The following DGKH variants were observed in gnomAD, a reference collection of about 807,000 sequenced individuals.
The protein encoded by DGKH is diacylglycerol kinase eta.
Under a neutral mutation model 159.3 loss-of-function variants are expected in DGKH, and 90 were observed. That is an observed-to-expected ratio of 0.57 (90% CI 0.48 to 0.67). The LOEUF is 0.67. Among genes scored for constraint, DGKH ranks in the 30% least tolerant of loss-of-function variants. The pLI, the probability that DGKH is intolerant of heterozygous loss-of-function variation, is 0.00. For synonymous variants in DGKH, 536 were observed against 553.8 expected (o/e 0.97, Z 0.45); for missense variants, 1,181 against 1,506.1 (o/e 0.78, Z 3.57).
At chr13:42,145,462 G>A (rs1278220530) in intron 3 of DGKH, among the ~76,000 whole-genome samples, 2 of 152,224 alleles carry the variant, frequency 1.3e-5, no homozygotes, top group African/African-American at 4.8e-5. Context: ...TTGGCCAGCT[G>A]TCAGGATGCT....
At chr13:42,139,306 G>A (rs1955480129) in intron 3 of DGKH, among the ~76,000 whole-genome samples, 2 of 152,178 alleles carry the variant, frequency 1.3e-5, no homozygotes, top group African/African-American at 2.4e-5. Context: ...GCATGTCCTC[G>A]GTTCTTCTGC....
chr13:42,093,560 A>G (rs1352533302), intron 1 of DGKH, among the ~76,000 whole-genome samples: 1 of 152,222 alleles, frequency 6.6e-6, no homozygotes, highest in Non-Finnish European at 1.5e-5. Flanking sequence ...TTATACATCT[A>G]TGTTCATAGC....
intron 13 of DGKH, among the ~76,000 whole-genome samples, chr13:42,185,568 C>T (rs560407533): frequency 3.8e-4 from 58 of 152,184 alleles, no homozygotes; most frequent in African/African-American, 1.3e-3. Flanking sequence ...AAAATTATGA[C>T]AAGATGATGT....
chr13:42,244,330 C>T (rs238342), downstream of DGKH, among the ~76,000 whole-genome samples: 58,059 of 152,086 alleles, frequency 0.38, 11,570 homozygotes, highest in East Asian at 0.64. Context: ...GGCGCTCTCC[C>T]GATGGTGGTT....
At chr13:42,167,773 A>G (rs1400232495) in intron 9 of DGKH, among the ~76,000 whole-genome samples, 1 of 151,998 alleles carries the variant, frequency 6.6e-6, no homozygotes, top group African/African-American at 2.4e-5. Flanking sequence ...CCATTATCTT[A>G]TAGTCTTGAT....
chr13:42,197,027 G>A (rs542635559), intron 17 of DGKH, among the ~76,000 whole-genome samples: 57 of 152,226 alleles, frequency 3.7e-4, no homozygotes, highest in African/African-American at 1.3e-3. Flanking sequence ...GCTGAGGCAG[G>A]CGGATCACCT....
At chr13:42,071,207 T>C (rs1484081574) in intron 1 of DGKH, 3 of 451,230 alleles carry the variant, frequency 6.6e-6, no homozygotes, top group South Asian at 3.0e-5. Context: ...AAAATAATTA[T>C]GCTTCCACAG....
intron 1 of DGKH, among the ~76,000 whole-genome samples, chr13:42,041,617 A>T (rs1351606868): frequency 6.6e-6 from 1 of 151,730 alleles, no homozygotes; most frequent in East Asian, 1.9e-4. Flanking sequence ...GTTCCCTCAA[A>T]CTCCCTCAAC....
At position 42,048,942 on chromosome 13, in the gene DGKH, A is replaced by C. The variant is rs781070584; in HGVS notation, c.169A>C (p.Thr57Pro). ...CCAGAAACTGATCCGCAAAGTGTCT[A>C]CCTCGGGGCAGATCCGGACCAAGGT... ...GPQKLIRKVSTSGQIRTKTSI... is the reference protein window; with the variant it reads ...GPQKLIRKVSPSGQIRTKTSI... Residue 57 changes from threonine to proline, a missense_variant, in exon 1 of 30, where the codon ACC becomes CCC. Physicochemically the swap from Thr to Pro is conservative, Grantham distance 38. Transcript: ENST00000337343. This position sits in a 1 kb window ranked among gnomAD's most constrained non-coding sequence, Gnocchi z 6.7. The C allele has an allele frequency of 1.5e-6, 2 of 1,312,776 alleles. No homozygotes were observed. The highest frequency in any genetic ancestry group is 2.8e-5 in the East Asian group (1 of 35,210). 81.3% of individuals were successfully genotyped at this position (1,312,776 alleles called of 1,614,324 possible).
intron 24 of DGKH, among the ~76,000 whole-genome samples, 169 bp from the exon 25 acceptor site, chr13:42,214,338 A>G (rs1465838664): frequency 2.6e-5 from 4 of 152,014 alleles, no homozygotes; most frequent in Admixed American, 2.6e-4. Context: ...TGGGGTCTGG[A>G]TTTATAGATC....
At chr13:42,087,076 CA>C (rs1954320085) in intron 1 of DGKH, among the ~76,000 whole-genome samples, 1 of 150,524 alleles carries the variant, frequency 6.6e-6, no homozygotes, top group Non-Finnish European at 1.5e-5. Flanking sequence ...CACACACACA[CA>C]CACACACCTC....
At chr13:42,041,056 G>T (rs1260639538) in intron 1 of DGKH, among the ~76,000 whole-genome samples, 1 of 151,912 alleles carries the variant, frequency 6.6e-6, no homozygotes, top group African/African-American at 2.4e-5. Flanking sequence ...TTCCCAGCCG[G>T]GTTAGCGCTT....
intron 1 of DGKH, among the ~76,000 whole-genome samples, chr13:42,076,347 T>G (rs1375866321): frequency 6.6e-6 from 1 of 152,348 alleles, no homozygotes; most frequent in South Asian, 2.1e-4. Context: ...TATATTTGTA[T>G]GTGCAGCTGA....
At chr13:42,122,787 A>G (rs1406527940) in intron 1 of DGKH, among the ~76,000 whole-genome samples, 13 of 152,230 alleles carry the variant, frequency 8.5e-5, no homozygotes, top group Admixed American at 8.5e-4. Flanking sequence ...ATGTGTGCAC[A>G]TATTTTGAAA....
chr13:42,210,300 TA>T (rs956340655), intron 23 of DGKH, among the ~76,000 whole-genome samples: 2 of 150,260 alleles, frequency 1.3e-5, no homozygotes, highest in African/African-American at 4.9e-5. Flanking sequence ...CCCAGCTAAT[TA>T]AAAAAAAAAT....
chr13:42,097,765 G>T (rs988969733), intron 1 of DGKH, among the ~76,000 whole-genome samples: 4 of 152,176 alleles, frequency 2.6e-5, no homozygotes, highest in Non-Finnish European at 5.9e-5. Context: ...GCTTTCCAGA[G>T]GTGAAGAAAT....
intron 1 of DGKH, chr13:42,070,213 A>G: frequency 9.5e-7 from 1 of 1,051,492 alleles, no homozygotes; most frequent in Non-Finnish European, 1.5e-6. Context: ...AATTTGTTCC[A>G]GGAAATTCAG....
rs1165426716 is a variant in DGKH, at chr13:42,151,477, T to TGG, written c.385-3813_385-3812dup. Among the ~76,000 whole-genome samples the TGG allele has an allele frequency of 1.4e-3, 90 of 65,416 alleles. 1 individual carries two copies. The highest frequency in any genetic ancestry group is 3.8e-3 in the African/African-American group (72 of 19,112). The allele number at this position is 65,416 out of a possible 152,430, so 42.9% of individuals were successfully genotyped here. A position where few individuals can be genotyped will look rare whatever the true frequency, so the allele number is the denominator to read the frequency against. On this transcript the variant is annotated intron_variant, in intron 3 of 29. Coordinates refer to ENST00000337343, the MANE Select transcript of DGKH (RefSeq NM_178009.5). ...TTTTTTGTGACTGAGTAGTATTCCA[T>TGG]GGTGTGTGTGTGTGTGTGTGTGTGT...
At position 42,168,772 on chromosome 13, in the gene DGKH, C is replaced by G; in HGVS notation, c.1321C>G (p.Gln441Glu). The G allele has an allele frequency of 6.2e-7, 1 of 1,614,076 alleles. No individual in the cohort carries two copies. Among genetic ancestry groups the G allele is most frequent in the South Asian group, 1.1e-5 (1 of 91,054 alleles). ...GSYDDDTQLP[Q>E]ILEKLERAST... Reference sequence around the variant, plus strand: ...ATATGACGATGACACCCAACTTCCTCAGATCCTAGAGAAACTGGAACGAGC... The same window carrying G: ...ATATGACGATGACACCCAACTTCCTGAGATCCTAGAGAAACTGGAACGAGC... The change falls in exon 11 of 30, where the codon CAG becomes GAG. Residue 441 changes from glutamine to glutamate, a missense_variant. By Grantham distance (29) the Gln-to-Glu change is conservative. Around this residue, in one of 5 missense-constraint regions of DGKH, gnomAD observed 369 missense variants for 519.4 expected, o/e 0.71. Coordinates refer to ENST00000337343, the MANE Select transcript of DGKH (RefSeq NM_178009.5).
Sources: allele counts gnomAD v4.1 joint callset (sites outside exome capture counted in the v4.1 genomes callset), GRCh38; gene constraint gnomAD v4.1.1; regional missense constraint gnomAD v4.1.1; non-coding constraint Gnocchi (gnomAD v3.1); transcripts MANE v1.5; gene names NCBI Gene and HGNC (gene_info 2026-07-23, HGNC 2026-07-21).